The following GAB2 variants were observed in gnomAD, a reference collection of about 807,000 sequenced individuals.
The protein encoded by GAB2 is GRB2 associated binding protein 2.
In GAB2, 26 loss-of-function variants were observed where a neutral mutation model predicts 65.5. The observed-to-expected ratio is 0.40, with a 90% CI of 0.29 to 0.55. GAB2 has a LOEUF of 0.55. GAB2 is among the 20% of genes least tolerant of loss of function. GAB2 has a pLI of 0.53. For synonymous variants in GAB2, 321 were observed against 329.6 expected (o/e 0.97, Z 0.28); for missense variants, 884 against 875.8 (o/e 1.01, Z -0.12).
At chr11:78,372,430 C>T (rs1332819640) in intron 1 of GAB2, among the ~76,000 whole-genome samples, 2 of 152,150 alleles carry the variant, frequency 1.3e-5, no homozygotes, top group Non-Finnish European at 2.9e-5. Context: ...TTGACCAGCC[C>T]CTAGAGGTTC....
intron 1 of GAB2, among the ~76,000 whole-genome samples, chr11:78,291,555 C>CT (rs796161663): frequency 0.12 from 6,762 of 54,906 alleles, 2,264 homozygotes; most frequent in Non-Finnish European, 0.15. Flanking sequence ...TTACTTTTTT[C>CT]TTTTTCTTTT....
At chr11:78,336,480 GTTT>G (rs59349951) in intron 1 of GAB2, among the ~76,000 whole-genome samples, 1 of 127,634 alleles carries the variant, frequency 7.8e-6, no homozygotes, top group African/African-American at 2.8e-5. Context: ...AATAGTTGTT[GTTT>G]TTTTTTTTTT....
intron 1 of GAB2, among the ~76,000 whole-genome samples, chr11:78,314,943 G>C (rs1360268963): frequency 7.2e-5 from 11 of 152,172 alleles, no homozygotes; most frequent in Admixed American, 7.2e-4. Context: ...GTAAAGGCAG[G>C]GCTTGCTATG....
In GAB2 at chr11:78,290,554, G is replaced by A. The variant is rs546378779; in HGVS notation, c.76-9653C>T. On this transcript the variant is annotated intron_variant, in intron 1 of 9. Coordinates refer to ENST00000361507, the MANE Select transcript of GAB2 (RefSeq NM_080491.3). ...ATAACTTCCTCTTATTGCTCTTGGC[G>A]CCCAGAAAACCTAGGTGGGCCACAA... Among the ~76,000 whole-genome samples the A allele has an allele frequency of 4.1e-4, 62 of 152,186 alleles. No individual in the cohort carries two copies. In the South Asian group the frequency reaches 7.9e-3, roughly 19 times the overall value.
chr11:78,407,642 AAAGAAAGAAAGAAAGT>A lies in GAB2; in HGVS notation c.75+9988_75+10003del, dbSNP rs1296720337. Among the ~76,000 whole-genome samples, 77 of 125,896 alleles carry A rather than the reference AAAGAAAGAAAGAAAGT, an allele frequency of 6.1e-4. No individual in the cohort carries two copies. In the South Asian group the frequency reaches 0.01, roughly 17 times the overall value. The allele number at this position is 125,896 out of a possible 152,430, so 82.6% of individuals were successfully genotyped here. On this transcript the variant is annotated intron_variant, in intron 1 of 9. Transcript: ENST00000361507. ...GAGTGAAACTCCTTCTCAAAGAAAG[AAAGAAAGAAAGAAAGT>A]AAGAAAGAAAGAAAGAAAGAAAGAA... is the stretch of plus-strand genomic sequence containing the variant.
chr11:78,356,730 G>A (rs1856364415), intron 1 of GAB2, among the ~76,000 whole-genome samples: 1 of 152,232 alleles, frequency 6.6e-6, no homozygotes, highest in South Asian at 2.1e-4. Context: ...AAAGTTAAAT[G>A]AAAGCAGGTG....
intron 1 of GAB2, among the ~76,000 whole-genome samples, chr11:78,329,775 C>T (rs1436846074): frequency 6.6e-6 from 1 of 152,164 alleles, no homozygotes; most frequent in Non-Finnish European, 1.5e-5. Context: ...TGTATCTCGC[C>T]ATATTGCTAC....
chr11:78,324,532 G>A (rs1378984908), intron 1 of GAB2, among the ~76,000 whole-genome samples: 1 of 152,186 alleles, frequency 6.6e-6, no homozygotes, highest in Non-Finnish European at 1.5e-5. Context: ...AGGTGCTAGA[G>A]GGAAAGCAAT....
At chr11:78,414,260 TTC>T (rs771385339) in intron 1 of GAB2, among the ~76,000 whole-genome samples, 7 of 152,146 alleles carry the variant, frequency 4.6e-5, no homozygotes, top group Non-Finnish European at 8.8e-5. Flanking sequence ...TAATTTTTTT[TTC>T]TGTTTACTGG....
intron 1 of GAB2, among the ~76,000 whole-genome samples, chr11:78,353,025 T>C (rs1357112633): frequency 6.6e-6 from 1 of 152,196 alleles, no homozygotes; most frequent in African/African-American, 2.4e-5. Context: ...AGATCAAGAA[T>C]CCTTATGCAA....
intron 1 of GAB2, among the ~76,000 whole-genome samples, chr11:78,333,427 C>G (rs1360664643): frequency 6.6e-6 from 1 of 152,132 alleles, no homozygotes; most frequent in Non-Finnish European, 1.5e-5. Context: ...CCATGCCCAG[C>G]TAATTTTTAA....
chr11:78,412,087 G>A (rs1857137284), intron 1 of GAB2, among the ~76,000 whole-genome samples: 1 of 149,944 alleles, frequency 6.7e-6, no homozygotes, highest in South Asian at 2.1e-4. Flanking sequence ...CTGGGGAGCC[G>A]AGATCATGCC....
In GAB2 at chr11:78,215,378, G is replaced by A. The variant is rs1590928643; in HGVS notation, c.*3894C>T. 6.6e-6 allele frequency: 1 copy of A among 152,618 alleles called. No individual in the cohort carries two copies. The highest frequency in any genetic ancestry group is 1.5e-5 in the Non-Finnish European group (1 of 68,042). 9.5% of individuals were successfully genotyped at this position (152,618 alleles called of 1,614,324 possible). On this transcript the variant is annotated 3_prime_UTR_variant, in exon 10 of 10. Transcript: ENST00000361507. ...CCTGCAAGCTCCAAGCCTGTACCAT[G>A]TGTCACCACAGCAAAAACATGACCC...
chr11:78,326,160 C>A (rs940299012), intron 1 of GAB2, among the ~76,000 whole-genome samples: 1 of 152,174 alleles, frequency 6.6e-6, no homozygotes, highest in Non-Finnish European at 1.5e-5. Flanking sequence ...CCACTTATAT[C>A]TTGGAGCTTA....
At chr11:78,253,861 C>A (rs1429488647) in intron 2 of GAB2, among the ~76,000 whole-genome samples, 3 of 152,232 alleles carry the variant, frequency 2.0e-5, no homozygotes, top group Non-Finnish European at 1.5e-5. Context: ...TTCACTGACT[C>A]CTTATTGCCT....
intron 6 of GAB2, among the ~76,000 whole-genome samples, 156 bp downstream of exon 6, chr11:78,223,256 C>G (rs943773627): frequency 6.6e-6 from 1 of 152,184 alleles, no homozygotes; most frequent in African/African-American, 2.4e-5. Context: ...TAGGAATTAC[C>G]ATCTGCATTT....
At chr11:78,225,426 C>T (rs1488924633) in intron 4 of GAB2, among the ~76,000 whole-genome samples, 1 of 152,210 alleles carries the variant, frequency 6.6e-6, no homozygotes, top group East Asian at 1.9e-4. Context: ...AGAAGCTGTC[C>T]TTGACTACTC....
rs957088538 is a variant in GAB2, at chr11:78,219,525, G to A, written c.1888-110C>T. ...AGCTGTCTGAAGGGGAGAAGAGCAT[G>A]GCCTCTGCCTGCCACTGACCAGCCT... On this transcript the variant is annotated intron_variant, in intron 9 of 9. Coordinates refer to ENST00000361507, the MANE Select transcript of GAB2 (RefSeq NM_080491.3). 33 of 985,048 alleles carry A rather than the reference G, an allele frequency of 3.4e-5. No individual in the cohort carries two copies. In the African/African-American group the frequency reaches 4.9e-4, roughly 15 times the overall value. The allele number at this position is 985,048 out of a possible 1,614,324, so 61.0% of individuals were successfully genotyped here.
intron 1 of GAB2, among the ~76,000 whole-genome samples, chr11:78,381,498 A>C (rs1216619881): frequency 6.6e-6 from 1 of 152,158 alleles, no homozygotes; most frequent in Admixed American, 6.5e-5. Context: ...CCCAGTACAG[A>C]GCTGTCTTTA....
Sources: allele counts gnomAD v4.1 joint callset (sites outside exome capture counted in the v4.1 genomes callset), GRCh38; gene constraint gnomAD v4.1.1; transcripts MANE v1.5; gene names NCBI Gene and HGNC (gene_info 2026-07-23, HGNC 2026-07-21).